LEPR: variants seen among roughly 807,000 people sequenced by gnomAD.
LEPR encodes the protein OB receptor.
LEPR carries 56 observed loss-of-function variants against 114.7 expected under a neutral mutation model. The ratio of observed to expected loss-of-function variants is 0.49; its 90% CI spans 0.39 to 0.61. LEPR has a LOEUF of 0.61. LEPR is among the 20% of genes least tolerant of loss of function. LEPR has a pLI of 0.00. For missense variants in LEPR, 1,202 were observed against 1,352.9 expected (o/e 0.89, Z 1.75); for synonymous variants, 443 against 461.4 (o/e 0.96, Z 0.51).
chr1:65,469,245 G>T (rs1364695343), intron 2 of LEPR, among the ~76,000 whole-genome samples: 1 of 152,006 alleles, frequency 6.6e-6, no homozygotes, highest in Admixed American at 6.5e-5. Flanking sequence ...GAGTCAGTCT[G>T]TGTCCTGAGC....
rs748855258 is a variant in LEPR, at chr1:65,608,866, C to A, written c.1717C>A (p.Arg573Ser). 2 of 1,613,518 alleles carry A rather than the reference C, an allele frequency of 1.2e-6. No individual in the cohort carries two copies. The highest frequency in any genetic ancestry group is 1.7e-6 in the Non-Finnish European group (2 of 1,179,810). Residue 573 changes from arginine (R) to serine (S), a missense_variant, in exon 12 of 20, where the codon CGC (arginine) becomes AGC (serine). Transcript: ENST00000349533. ...AGAGAATAACCTTCAATTCCAGATT[C>A]GCTATGGTTTAAGTGGAAAAGAAGT... ...FPENNLQFQI[R>S]YGLSGKEVQW...
Position 65,570,595 on chromosome 1 carries a change from A to G in LEPR, c.163A>G (p.Lys55Glu). The G allele has an allele frequency of 6.2e-7, 1 of 1,614,012 alleles. No individual in the cohort carries two copies. Among genetic ancestry groups the G allele is most frequent in the Non-Finnish European group, 8.5e-7 (1 of 1,179,940 alleles). ...DYFLLPAGLS[K>E]NTSNSNGHYE... is the part of the protein sequence containing the mutation. ...CTTCCTTTTGCCTGCTGGACTCTCA[A>G]AGAATACTTCAAATTCGAATGGACA... The change falls in exon 4 of 20, where the codon AAG becomes GAG. Residue 55 changes from lysine to glutamate, a missense_variant. Coordinates refer to ENST00000349533, the MANE Select transcript of LEPR (RefSeq NM_002303.6).
At chr1:65,553,583 C>T (rs1442382909) in intron 2 of LEPR, among the ~76,000 whole-genome samples, 1 of 152,002 alleles carries the variant, frequency 6.6e-6, no homozygotes, top group African/African-American at 2.4e-5. Flanking sequence ...TTATGTTCTT[C>T]TATATACTGG....
chr1:65,438,319 AGGTG>A (rs1168378145), intron 2 of LEPR, among the ~76,000 whole-genome samples: 1 of 151,894 alleles, frequency 6.6e-6, no homozygotes, highest in South Asian at 2.1e-4. Context: ...TGGGAGGCCG[AGGTG>A]GGCAGATTAC....
rs1385059247 is a variant in LEPR, at chr1:65,637,498, C to T, written c.*483C>T. ...TGTTTAAGATAAACAGAATTCAGCC[C>T]TGGCCTAAGGGGTTATACTTGTGAA... On this transcript the variant is annotated 3_prime_UTR_variant, in exon 20 of 20. Transcript: ENST00000349533. 1 of 156,938 alleles carries T rather than the reference C, an allele frequency of 6.4e-6. No homozygotes were observed. The highest frequency in any genetic ancestry group is 1.4e-5 in the Non-Finnish European group (1 of 70,904). 9.7% of individuals were successfully genotyped at this position (156,938 alleles called of 1,614,324 possible). A position where few individuals can be genotyped will look rare whatever the true frequency, so the allele number is the denominator to read the frequency against.
At chr1:65,459,600 C>T (rs555581737) in intron 2 of LEPR, among the ~76,000 whole-genome samples, 1 of 152,196 alleles carries the variant, frequency 6.6e-6, no homozygotes, top group East Asian at 1.9e-4. Flanking sequence ...CATTGTCCAA[C>T]TAACAAAGGG....
intron 2 of LEPR, among the ~76,000 whole-genome samples, chr1:65,563,731 C>T (rs369273352): frequency 1.4e-4 from 14 of 101,056 alleles, no homozygotes; most frequent in East Asian, 7.0e-4. Flanking sequence ...GATGGGTTTT[C>T]GGTGTGGATG....
intron 2 of LEPR, among the ~76,000 whole-genome samples, chr1:65,550,444 C>T (rs1652217579): frequency 6.6e-6 from 1 of 152,208 alleles, no homozygotes; most frequent in South Asian, 2.1e-4. Flanking sequence ...GCAGGCAGGC[C>T]TCCTTGAGCT....
intron 2 of LEPR, among the ~76,000 whole-genome samples, chr1:65,480,181 G>T (rs911846654): frequency 6.6e-6 from 1 of 151,964 alleles, no homozygotes; most frequent in Admixed American, 6.6e-5. Flanking sequence ...AATAGGTCTT[G>T]CCTTGTTCAA....
intron 2 of LEPR, among the ~76,000 whole-genome samples, chr1:65,508,303 T>C (rs1648861865): frequency 6.6e-6 from 1 of 152,184 alleles, no homozygotes; most frequent in Admixed American, 6.5e-5. Context: ...TTTCTTCTAG[T>C]AGTTTTATAG....
chr1:65,623,038 T>C, intron 19 of LEPR, 57 bp downstream of exon 19: 1 of 1,518,386 alleles, frequency 6.6e-7, no homozygotes, highest in Admixed American at 1.7e-5. Flanking sequence ...CTAGACGCCA[T>C]ATGACTTATA....
chr1:65,569,659 A>G (rs1654015005), intron 3 of LEPR, among the ~76,000 whole-genome samples: 1 of 147,052 alleles, frequency 6.8e-6, no homozygotes, highest in Admixed American at 6.9e-5. Flanking sequence ...GTGAGTCGAG[A>G]TCATGCCACT....
intron 4 of LEPR, 114 bp downstream of exon 4, chr1:65,570,916 G>T: frequency 3.4e-6 from 3 of 875,446 alleles, no homozygotes; most frequent in Admixed American, 3.7e-5. Context: ...ATTTTTATAT[G>T]GATAATAAAA....
intron 2 of LEPR, among the ~76,000 whole-genome samples, chr1:65,460,316 T>C (rs1646928822): frequency 6.6e-6 from 1 of 152,170 alleles, no homozygotes; most frequent in Non-Finnish European, 1.5e-5. Flanking sequence ...GTCCTCCTGA[T>C]CACAGTGCTC....
intron 2 of LEPR, among the ~76,000 whole-genome samples, chr1:65,548,380 G>A (rs548536460): frequency 8.5e-5 from 13 of 152,174 alleles, no homozygotes; most frequent in African/African-American, 1.9e-4. Flanking sequence ...TTTCTCTGTC[G>A]TTGATCTGTC....
chr1:65,537,194 C>T (rs747026014), intron 2 of LEPR, among the ~76,000 whole-genome samples: 2 of 152,184 alleles, frequency 1.3e-5, no homozygotes, highest in South Asian at 2.1e-4. Context: ...TCTCACCTTT[C>T]GTTGGCCCCT....
chr1:65,566,694 T>C (rs528159816), intron 3 of LEPR, among the ~76,000 whole-genome samples: 3 of 152,364 alleles, frequency 2.0e-5, no homozygotes, highest in East Asian at 1.9e-4. Flanking sequence ...ACAAAACTTA[T>C]GTTGTGGCAA....
rs532807392 is a variant in LEPR at position 65,551,336 on chromosome 1, G to C, written c.-20-14210G>C. Among the ~76,000 whole-genome samples the C allele has an allele frequency of 2.4e-4, 37 of 152,186 alleles. No homozygotes were observed. In the South Asian group the frequency reaches 3.1e-3, roughly 13 times the overall value. The stretch of plus-strand genomic sequence containing the variant: ...TCTGGTAGAATTCGGCTGTGAATCT[G>C]TCTGGTCCTGGGCCTTTTTTGGTTG... On this transcript the variant is annotated intron_variant, in intron 2 of 19. Coordinates refer to ENST00000349533, the MANE Select transcript of LEPR (RefSeq NM_002303.6).
intron 2 of LEPR, among the ~76,000 whole-genome samples, chr1:65,484,603 G>A (rs1054409418): frequency 1.3e-5 from 2 of 152,128 alleles, no homozygotes; most frequent in Non-Finnish European, 2.9e-5. Flanking sequence ...AAAGAACACC[G>A]AAGGTACAGG....
Sources: gnomAD v4.1 joint callset for allele counts (sites outside exome capture counted in the v4.1 genomes callset) on GRCh38, gnomAD v4.1.1 for gene constraint, MANE v1.5 for transcripts, NCBI Gene and HGNC (gene_info 2026-07-23, HGNC 2026-07-21) for gene names.